CNBD1: variants seen among roughly 807,000 people sequenced by gnomAD.
CNBD1 encodes cyclic nucleotide-binding domain-containing protein 1.
CNBD1 carries 71 observed loss-of-function variants against 54.4 expected under a neutral mutation model. That is an observed-to-expected ratio of 1.30 (90% CI 1.08 to 1.59). CNBD1 has a LOEUF of 1.59. Ranked by LOEUF, CNBD1 falls within the 40% of genes most tolerant of loss-of-function variation. CNBD1 has a pLI of 0.00. For synonymous variants in CNBD1, 182 were observed against 170.7 expected, an observed-to-expected ratio of 1.07 and a Z score of -0.51; for missense variants, 659 against 518.0, an observed-to-expected ratio of 1.27 and a Z score of -2.64.
At chr8:87,360,030 T>G (rs1307191107) in intron 10 of CNBD1, among the ~76,000 whole-genome samples, 3 of 152,058 alleles carry the variant, frequency 2.0e-5, no homozygotes, top group Admixed American at 1.3e-4. Flanking sequence ...AATGCTTATC[T>G]TTCTCCAGGT....
rs1394200204 is a variant in CNBD1 at position 87,092,529 on chromosome 8, GTA to G, written c.432-113462_432-113461del. Among the ~76,000 whole-genome samples the G allele has an allele frequency of 6.0e-5, 8 of 133,502 alleles. 1 individual carries two copies. Among genetic ancestry groups the G allele is most frequent in the African/African-American group, 2.6e-4 (8 of 31,262 alleles). The allele number at this position is 133,502 out of a possible 152,430, so 87.6% of individuals were successfully genotyped here. Reference sequence around the variant, plus strand: ...TGTGTGTGTGTGTATGTGTGTGTATGTATGTATGTGTGTGTATATATATATAT... The same window carrying G: ...TGTGTGTGTGTGTATGTGTGTGTATGTGTATGTGTGTGTATATATATATAT... On this transcript the variant is annotated intron_variant, in intron 4 of 10. Coordinates refer to ENST00000518476, the MANE Select transcript of CNBD1 (RefSeq NM_173538.3).
At chr8:87,148,096 A>G (rs1328098027) in intron 4 of CNBD1, among the ~76,000 whole-genome samples, 1 of 152,228 alleles carries the variant, frequency 6.6e-6, no homozygotes, top group Non-Finnish European at 1.5e-5. Flanking sequence ...GCATTCCAAT[A>G]GCAATCAGTT....
intron 10 of CNBD1, among the ~76,000 whole-genome samples, chr8:87,356,631 G>T (rs1045653585): frequency 2.6e-5 from 4 of 152,090 alleles, no homozygotes; most frequent in African/African-American, 4.8e-5. Flanking sequence ...ATGACTTAAC[G>T]TTGGAAATTA....
At chr8:87,329,131 T>C (rs1809757548) in intron 8 of CNBD1, among the ~76,000 whole-genome samples, 1 of 152,174 alleles carries the variant, frequency 6.6e-6, no homozygotes, top group Non-Finnish European at 1.5e-5. Flanking sequence ...ATATTCGCTC[T>C]TTTGCATGTG....
At chr8:86,874,061 A>G (rs1429596047) in intron 1 of CNBD1, among the ~76,000 whole-genome samples, 1 of 152,164 alleles carries the variant, frequency 6.6e-6, no homozygotes, top group Admixed American at 6.5e-5. Flanking sequence ...ATCCAATTCA[A>G]AATCTCATGT....
chr8:87,386,653 G>T (rs62528162), downstream of CNBD1, among the ~76,000 whole-genome samples: 6,606 of 152,240 alleles, frequency 0.043, 187 homozygotes, highest in Non-Finnish European at 0.06. Context: ...AAAGTGATGG[G>T]GAGAATGGAA....
At position 87,087,275 on chromosome 8, in the gene CNBD1, G is replaced by GTA. The variant is rs371657712; in HGVS notation, c.432-118702_432-118701dup. The stretch of plus-strand genomic sequence containing the variant: ...TATATATATATACATATATATATAC[G>GTA]TATATATATATATATATTTTTTATT... On this transcript the variant is annotated intron_variant, in intron 4 of 10. Transcript: ENST00000518476. 4.5e-3 allele frequency among the ~76,000 whole-genome samples: 597 copies of GTA among 132,130 alleles called. 2 individuals carry two copies. The highest frequency in any genetic ancestry group is 0.024 in the South Asian group (103 of 4,272). The allele number at this position is 132,130 out of a possible 152,430, so 86.7% of individuals were successfully genotyped here.
chr8:87,119,659 A>G (rs1811851263), intron 4 of CNBD1, among the ~76,000 whole-genome samples: 1 of 152,064 alleles, frequency 6.6e-6, no homozygotes, highest in Non-Finnish European at 1.5e-5. Flanking sequence ...GTCTTGTTCC[A>G]GTCCTTAGAG....
intron 4 of CNBD1, among the ~76,000 whole-genome samples, chr8:87,114,442 C>T (rs533126353): frequency 1.3e-5 from 2 of 152,280 alleles, no homozygotes; most frequent in African/African-American, 2.4e-5. Flanking sequence ...CCTCCGCCTC[C>T]CAGGTTCCAG....
chr8:86,948,222 G>C (rs1019537098), intron 4 of CNBD1, among the ~76,000 whole-genome samples: 1 of 152,058 alleles, frequency 6.6e-6, no homozygotes, highest in African/African-American at 2.4e-5. Context: ...CAATAAATGT[G>C]GGAATAGAGA....
chr8:87,373,462 T>C (rs940278143), intron 10 of CNBD1, among the ~76,000 whole-genome samples: 1 of 151,892 alleles, frequency 6.6e-6, no homozygotes, highest in Non-Finnish European at 1.5e-5. Flanking sequence ...AGACCAATAA[T>C]TAGTTAAGTT....
chr8:87,361,476 TAA>T (rs1463855360), intron 10 of CNBD1, among the ~76,000 whole-genome samples: 42 of 151,872 alleles, frequency 2.8e-4, no homozygotes, highest in Admixed American at 2.1e-3. Context: ...AGCTTACCAT[TAA>T]TAGATGAAAA....
intron 10 of CNBD1, among the ~76,000 whole-genome samples, chr8:87,367,904 G>C (rs1017329146): frequency 6.6e-6 from 1 of 152,084 alleles, no homozygotes; most frequent in African/African-American, 2.4e-5. Flanking sequence ...GGGAGTGGTG[G>C]CTTACGCCTA....
chr8:87,096,377 A>G (rs1024583946), intron 4 of CNBD1, among the ~76,000 whole-genome samples: 2 of 146,430 alleles, frequency 1.4e-5, no homozygotes, highest in Non-Finnish European at 3.0e-5. Flanking sequence ...TAAGAACACT[A>G]ATTTTATCAG....
chr8:87,210,577 C>A (rs1814075841), intron 5 of CNBD1, among the ~76,000 whole-genome samples: 1 of 152,148 alleles, frequency 6.6e-6, no homozygotes, highest in Admixed American at 6.5e-5. Context: ...CCTTACATGC[C>A]AGCCACTCCA....
At chr8:87,037,509 A>AT (rs1357301775) in intron 4 of CNBD1, among the ~76,000 whole-genome samples, 2 of 151,990 alleles carry the variant, frequency 1.3e-5, no homozygotes, top group Non-Finnish European at 2.9e-5. Flanking sequence ...TGATTATATG[A>AT]TTTTTTCTTA....
At chr8:86,868,287 G>A (rs1055930087) in intron 1 of CNBD1, among the ~76,000 whole-genome samples, 2 of 152,092 alleles carry the variant, frequency 1.3e-5, no homozygotes, top group Non-Finnish European at 2.9e-5. Flanking sequence ...GTTGAGTTAG[G>A]TTGGATTTAG....
At chr8:87,363,514 T>C (rs538692911) in intron 10 of CNBD1, among the ~76,000 whole-genome samples, 1 of 152,180 alleles carries the variant, frequency 6.6e-6, no homozygotes, top group African/African-American at 2.4e-5. Context: ...CATCTGTTCA[T>C]GTAAGTTTCC....
At chr8:87,067,196 G>A (rs1351069742) in intron 4 of CNBD1, among the ~76,000 whole-genome samples, 1 of 151,906 alleles carries the variant, frequency 6.6e-6, no homozygotes, top group Non-Finnish European at 1.5e-5. Context: ...TACGTCTGGT[G>A]CTTATAGATT....
Sources: allele counts gnomAD v4.1 joint callset (sites outside exome capture counted in the v4.1 genomes callset), GRCh38; gene constraint gnomAD v4.1.1; transcripts MANE v1.5; gene names NCBI Gene and HGNC (gene_info 2026-07-23, HGNC 2026-07-21).